Variants in APPBP2 observed in about 807,000 individuals in gnomAD.
The protein encoded by APPBP2 is amyloid protein-binding protein 2.
Under a neutral mutation model 76.0 loss-of-function variants are expected in APPBP2, and 15 were observed. The ratio of observed to expected loss-of-function variants is 0.20; its 90% CI spans 0.13 to 0.30. The LOEUF (loss-of-function observed/expected upper bound fraction) is 0.30. APPBP2 is among the 10% of genes least tolerant of loss of function. The probability of loss-of-function intolerance (pLI) is 1.00; values close to 1 mark genes in which losing one functional copy is unlikely to be tolerated. For synonymous variants in APPBP2, 222 were observed against 242.2 expected (o/e 0.92, Z 0.77); for missense variants, 401 against 687.2 (o/e 0.58, Z 4.66).
chr17:60,447,533 A>C lies in APPBP2; in HGVS notation c.*48T>G. The C allele has an allele frequency of 6.5e-7, 1 of 1,550,294 alleles. No homozygotes were observed. The highest frequency in any genetic ancestry group is 8.7e-7 in the Non-Finnish European group (1 of 1,149,844). On this transcript the variant is annotated 3_prime_UTR_variant, in exon 13 of 13. Transcript: ENST00000083182. ...AACATGGTTTTGATTTCACAGTATG[A>C]ATTCCCTGGAATCCGGGAAAAGGTA...
At chr17:60,451,837 G>T in intron 12 of APPBP2, 43 bp downstream of exon 12, 1 of 1,521,286 alleles carries the variant, frequency 6.6e-7, no homozygotes, top group South Asian at 1.2e-5. Flanking sequence ...CTGACATGTT[G>T]ATTTGTAATC....
Position 60,474,089 on chromosome 17 carries a change from GC to G in APPBP2, c.503+5058del, listed in dbSNP as rs532391444. On this transcript the variant is annotated intron_variant, in intron 4 of 12. Transcript: ENST00000083182. Reference sequence around the variant, plus strand: ...CACTTTTCAAAGTAATCTTTAAAAAGCCAGTTAATAAAATTATCCAACTCTT... The same window carrying G: ...CACTTTTCAAAGTAATCTTTAAAAAGCAGTTAATAAAATTATCCAACTCTT... 1.4e-4 allele frequency among the ~76,000 whole-genome samples: 22 copies of G among 152,110 alleles called. No individual in the cohort carries two copies. In the East Asian group the frequency reaches 4.1e-3, roughly 28 times the overall value.
At chr17:60,448,654 G>A (rs1361672816) in intron 12 of APPBP2, among the ~76,000 whole-genome samples, 1 of 152,182 alleles carries the variant, frequency 6.6e-6, no homozygotes, top group Non-Finnish European at 1.5e-5. Flanking sequence ...CTCTGTAACG[G>A]TTACGGAGTG....
At chr17:60,451,515 C>T (rs765526718) in intron 12 of APPBP2, among the ~76,000 whole-genome samples, 15 of 151,432 alleles carry the variant, frequency 9.9e-5, no homozygotes, top group Non-Finnish European at 2.1e-4. Flanking sequence ...GTTCTGTTGC[C>T]CAGGCTGGAG....
intron 3 of APPBP2, 54 bp from the exon 4 acceptor site, chr17:60,479,325 T>C (rs534724246): frequency 1.4e-5 from 22 of 1,532,288 alleles, no homozygotes; most frequent in Non-Finnish European, 1.9e-5. Flanking sequence ...GCCTGCAAGA[T>C]AAAATGACAT....
chr17:60,451,801 T>C, intron 12 of APPBP2, 79 bp downstream of exon 12: 1 of 1,316,136 alleles, frequency 7.6e-7, no homozygotes, highest in South Asian at 1.5e-5. Context: ...TTAATAACAT[T>C]TTCCTTATAC....
intron 8 of APPBP2, 115 bp from the exon 9 acceptor site, chr17:60,460,902 C>G (rs1293067719): frequency 1.0e-6 from 1 of 987,770 alleles, no homozygotes; most frequent in East Asian, 3.0e-5. Context: ...AATTTTGAAG[C>G]CCAGAAAGTC....
intron 2 of APPBP2, among the ~76,000 whole-genome samples, chr17:60,497,436 C>T (rs770010617): frequency 2.6e-5 from 4 of 151,942 alleles, no homozygotes; most frequent in Non-Finnish European, 5.9e-5. Flanking sequence ...TATTTGCTAA[C>T]ACAACAGGAT....
In APPBP2 at chr17:60,500,526, T is replaced by C. The variant is rs749006712; in HGVS notation, c.139-39A>G. ...CAAATGATTTAAAAATTTTGCAATT[T>C]AATTCTTCTTTTTACTTTAATCATA... On this transcript the variant is annotated intron_variant, in intron 1 of 12. Coordinates refer to ENST00000083182, the MANE Select transcript of APPBP2 (RefSeq NM_006380.5). 2.9e-6 allele frequency: 4 copies of C among 1,395,232 alleles called. No homozygotes were observed. In the East Asian group the frequency reaches 9.3e-5, roughly 32 times the overall value. 86.4% of individuals were successfully genotyped at this position (1,395,232 alleles called of 1,614,324 possible).
chr17:60,523,761 G>A (rs2091028583), intron 1 of APPBP2, among the ~76,000 whole-genome samples: 1 of 152,064 alleles, frequency 6.6e-6, no homozygotes, highest in South Asian at 2.1e-4. Context: ...CACTTCCATA[G>A]AAGCTAATAA....
chr17:60,475,648 TAC>T (rs72415327), intron 4 of APPBP2, among the ~76,000 whole-genome samples: 10,873 of 129,120 alleles, frequency 0.084, 403 homozygotes, highest in East Asian at 0.11. Flanking sequence ...CAACTCTTTA[TAC>T]ACACACACAC....
chr17:60,524,464 A>G (rs2091034105), intron 1 of APPBP2, among the ~76,000 whole-genome samples: 1 of 152,176 alleles, frequency 6.6e-6, no homozygotes, highest in African/African-American at 2.4e-5. Flanking sequence ...GAAAAAAGGG[A>G]GCTTTTTCTC....
At chr17:60,463,055 A>G (rs1359171784) in intron 6 of APPBP2, among the ~76,000 whole-genome samples, 1 of 152,170 alleles carries the variant, frequency 6.6e-6, no homozygotes, top group Non-Finnish European at 1.5e-5. Context: ...AAACGTAAGA[A>G]TATCCCTGTT....
At chr17:60,452,743 G>A (rs1342566583) in intron 11 of APPBP2, among the ~76,000 whole-genome samples, 4 of 152,064 alleles carry the variant, frequency 2.6e-5, no homozygotes, top group African/African-American at 9.7e-5. Context: ...CAACAGGGCT[G>A]GGCAATAGGG....
chr17:60,462,390 C>A, intron 6 of APPBP2: 1 of 216,650 alleles, frequency 4.6e-6, no homozygotes, highest in Non-Finnish European at 9.0e-6. Flanking sequence ...GAATTTACCA[C>A]AGCATTTTCT....
chr17:60,511,911 T>A (rs958860812), intron 1 of APPBP2, among the ~76,000 whole-genome samples: 2 of 152,086 alleles, frequency 1.3e-5, no homozygotes, highest in African/African-American at 2.4e-5. Context: ...ATTTTTAAAA[T>A]TTTTAACGGT....
At chr17:60,492,180 T>G (rs767518310) in intron 3 of APPBP2, among the ~76,000 whole-genome samples, 1 of 152,270 alleles carries the variant, frequency 6.6e-6, no homozygotes. Flanking sequence ...AAGTCAAGAA[T>G]TGAGGTTTGG....
At chr17:60,481,785 G>T (rs2090631811) in intron 3 of APPBP2, among the ~76,000 whole-genome samples, 1 of 152,200 alleles carries the variant, frequency 6.6e-6, no homozygotes, top group African/African-American at 2.4e-5. Context: ...GCACAATTGT[G>T]GCAGCTGTTA....
At chr17:60,468,052 G>A (rs1057385361) in intron 4 of APPBP2, among the ~76,000 whole-genome samples, 4 of 152,180 alleles carry the variant, frequency 2.6e-5, no homozygotes, top group Non-Finnish European at 1.5e-5. Flanking sequence ...AATTTCCTGA[G>A]ATGTTAGAAA....
Sources: gnomAD v4.1 joint callset for allele counts (sites outside exome capture counted in the v4.1 genomes callset) on GRCh38, gnomAD v4.1.1 for gene constraint, MANE v1.5 for transcripts, NCBI Gene and HGNC (gene_info 2026-07-23, HGNC 2026-07-21) for gene names.